The following KIF4A variants were observed in gnomAD, a reference collection of about 807,000 sequenced individuals.
KIF4A encodes kinesin family member 4A.
KIF4A carries 7 observed loss-of-function variants against 105.9 expected under a neutral mutation model. That is an observed-to-expected ratio of 0.07 (90% CI 0.04 to 0.12). KIF4A has a LOEUF of 0.12. Ranked by LOEUF, KIF4A falls within the 10% of genes least tolerant of loss-of-function variation. The pLI is 1.00. For missense variants in KIF4A, 558 were observed against 929.2 expected, an observed-to-expected ratio of 0.60 and a Z score of 5.19; for synonymous variants, 281 against 331.3, an observed-to-expected ratio of 0.85 and a Z score of 1.65.
chrX:70,373,385 AAAAT>A (rs1432211219), intron 15 of KIF4A, among the ~76,000 whole-genome samples: 1 of 95,212 alleles, frequency 1.1e-5, no homozygotes. Flanking sequence ...AAAAAGAAAG[AAAAT>A]AAGCAAATGA....
At chrX:70,310,080 G>A (rs1044557463) in intron 7 of KIF4A, among the ~76,000 whole-genome samples, 7 of 111,513 alleles carry the variant, frequency 6.3e-5, no homozygotes, top group African/African-American at 9.8e-5. Context: ...AGTAAAATGC[G>A]CATACCTTAA....
chrX:70,311,830 G>A (rs920061153), intron 7 of KIF4A, among the ~76,000 whole-genome samples: 2 of 108,992 alleles, frequency 1.8e-5, no homozygotes, highest in Non-Finnish European at 3.8e-5. Flanking sequence ...GCCAGGTGTG[G>A]TGGCATATAC....
At chrX:70,351,583 A>T (rs1410218661) in intron 13 of KIF4A, among the ~76,000 whole-genome samples, 1 of 111,532 alleles carries the variant, frequency 9.0e-6, no homozygotes, top group Non-Finnish European at 1.9e-5. Context: ...TATGGTATAC[A>T]CACACCACAT....
intron 7 of KIF4A, among the ~76,000 whole-genome samples, chrX:70,309,631 A>G (rs1043044746): frequency 8.9e-6 from 1 of 112,722 alleles, no homozygotes; most frequent in African/African-American, 3.2e-5. Flanking sequence ...TTTAAAGTAG[A>G]CAGTGCGATA....
chrX:70,338,856 T>C (rs918695796), intron 10 of KIF4A, among the ~76,000 whole-genome samples: 12 of 110,752 alleles, frequency 1.1e-4, no homozygotes, highest in East Asian at 5.7e-4. Flanking sequence ...GAGGCCGAGG[T>C]GGGCGGATCA....
intron 28 of KIF4A, among the ~76,000 whole-genome samples, chrX:70,415,168 T>C (rs2086337980): frequency 1.8e-5 from 2 of 112,341 alleles, no homozygotes; most frequent in Admixed American, 1.9e-4. Flanking sequence ...GAATGGAAAA[T>C]GGCACTATCA....
intron 10 of KIF4A, 52 bp downstream of exon 10, chrX:70,333,741 C>T (rs1477325260): frequency 2.3e-6 from 2 of 883,507 alleles, no homozygotes; most frequent in Non-Finnish European, 3.3e-6. Flanking sequence ...GGCTATTTTT[C>T]CTAATAATAG....
At chrX:70,347,988 G>A (rs55884511) in intron 13 of KIF4A, among the ~76,000 whole-genome samples, 3,757 of 42,514 alleles carry the variant, frequency 0.088, 129 homozygotes, top group East Asian at 0.18. Context: ...AAAAAAAAAA[G>A]AATGATTTAG....
chrX:70,322,983 C>T (rs745581825), intron 7 of KIF4A, among the ~76,000 whole-genome samples: 1 of 110,430 alleles, frequency 9.1e-6, no homozygotes, highest in East Asian at 2.9e-4. Context: ...CCTCAGTTTG[C>T]ACCATGCTGC....
In KIF4A at chrX:70,312,445, A is replaced by G. The variant is rs141595069; in HGVS notation, c.778+10047A>G. On this transcript the variant is annotated intron_variant, in intron 7 of 30. Transcript: ENST00000374403. ...CAGGCATGAGCCACTGCACCCAGCC[A>G]AGGCCTAAATGTCCTTTAATCTCTA... 7.1e-3 allele frequency among the ~76,000 whole-genome samples: 788 copies of G among 111,657 alleles called. 13 individuals are homozygous for G. Among genetic ancestry groups the G allele is most frequent in the African/African-American group, 0.024 (753 of 30,738 alleles).
intron 18 of KIF4A, among the ~76,000 whole-genome samples, chrX:70,385,744 C>T (rs1053735014): frequency 8.9e-6 from 1 of 112,210 alleles, no homozygotes; most frequent in Non-Finnish European, 1.9e-5. Context: ...GGGAAATGGC[C>T]AAGAAATCAA....
intron 7 of KIF4A, among the ~76,000 whole-genome samples, chrX:70,317,618 C>A (rs1364237456): frequency 9.9e-6 from 1 of 101,224 alleles, no homozygotes; most frequent in Non-Finnish European, 2.0e-5. Flanking sequence ...AATCACAGCT[C>A]ACTACAGCCT....
intron 20 of KIF4A, among the ~76,000 whole-genome samples, chrX:70,393,794 C>A (rs748271066): frequency 1.3e-5 from 1 of 79,862 alleles, no homozygotes. Context: ...CTTTTCTTTT[C>A]TTTTCTCTTT....
chrX:70,341,751 G>T, intron 10 of KIF4A, 48 bp from the exon 11 acceptor site: 3 of 1,141,527 alleles, frequency 2.6e-6, no homozygotes, highest in Non-Finnish European at 3.6e-6. Flanking sequence ...TTTGATATAG[G>T]TATTATCAAT....
intron 15 of KIF4A, among the ~76,000 whole-genome samples, chrX:70,372,032 C>T (rs1473908801): frequency 9.5e-6 from 1 of 105,420 alleles, no homozygotes; most frequent in African/African-American, 3.5e-5. Flanking sequence ...GCGCTCCCCA[C>T]ATCTCAGACG....
chrX:70,356,876 G>A (rs770862118), intron 15 of KIF4A, among the ~76,000 whole-genome samples: 1 of 111,974 alleles, frequency 8.9e-6, no homozygotes, highest in Admixed American at 9.5e-5. Flanking sequence ...AGTATTTAGT[G>A]TTTAAATTTT....
At chrX:70,363,499 G>C (rs1203078757) in intron 15 of KIF4A, among the ~76,000 whole-genome samples, 1 of 111,065 alleles carries the variant, frequency 9.0e-6, no homozygotes, top group Non-Finnish European at 1.9e-5. Context: ...GCAGTGTTTG[G>C]TTTTTTGTCC....
At position 70,290,207 on chromosome X, in the gene KIF4A, C is replaced by T; in HGVS notation, c.-22+57C>T. On this transcript the variant is annotated intron_variant, in intron 1 of 30. Transcript: ENST00000374403. ...CCTGTTTTTACCCAGTACCCTAGGGCTTTGGTTCTTTGTCGCCGTCCCCGT... is the reference window on the plus strand; with the variant it reads ...CCTGTTTTTACCCAGTACCCTAGGGTTTTGGTTCTTTGTCGCCGTCCCCGT... The T allele has an allele frequency of 8.7e-6, 3 of 346,623 alleles. No homozygotes were observed. The South Asian group carries it at 1.9e-4, about 22-fold the overall frequency. The allele number at this position is 346,623 out of a possible 1,213,427, so 28.6% of individuals were successfully genotyped here. A position where few individuals can be genotyped will look rare whatever the true frequency, so the allele number is the denominator to read the frequency against.
At chrX:70,363,052 A>G (rs2086083315) in intron 15 of KIF4A, among the ~76,000 whole-genome samples, 1 of 110,849 alleles carries the variant, frequency 9.0e-6, no homozygotes, top group Non-Finnish European at 1.9e-5. Flanking sequence ...CCTCCTGAGT[A>G]GCATGGTATT....
Sources: allele counts gnomAD v4.1 joint callset (sites outside exome capture counted in the v4.1 genomes callset), GRCh38; gene constraint gnomAD v4.1.1; transcripts MANE v1.5; gene names NCBI Gene and HGNC (gene_info 2026-07-23, HGNC 2026-07-21).